The following NTRK2 variants were observed in gnomAD, a reference collection of about 807,000 sequenced individuals.
The protein encoded by NTRK2 is BDNF/NT-3 growth factors receptor.
In NTRK2, 13 loss-of-function variants were observed where a neutral mutation model predicts 94.5. The observed-to-expected ratio is 0.14, with a 90% CI of 0.09 to 0.22. The LOEUF (loss-of-function observed/expected upper bound fraction) is 0.22, where lower values mean the gene tolerates loss of function less well. NTRK2 is among the 10% of genes least tolerant of loss of function. The probability of loss-of-function intolerance (pLI) is 1.00; values close to 1 mark genes in which losing one functional copy is unlikely to be tolerated. For synonymous variants in NTRK2, 372 were observed against 407.4 expected (o/e 0.91, Z 1.05); for missense variants, 639 against 1,071.2 (o/e 0.60, Z 5.63).
intron 12 of NTRK2, among the ~76,000 whole-genome samples, chr9:84,784,942 A>G (rs2133099477): frequency 6.6e-6 from 1 of 152,258 alleles, no homozygotes; most frequent in East Asian, 1.9e-4. Context: ...TCTTCTCGCA[A>G]TTTAGTTTCC....
At chr9:84,828,361 A>C (rs759371241) in intron 12 of NTRK2, among the ~76,000 whole-genome samples, 9 of 152,156 alleles carry the variant, frequency 5.9e-5, no homozygotes, top group Non-Finnish European at 1.3e-4. Flanking sequence ...GAAGCTGAAA[A>C]TTTATCTTTT....
chr9:84,876,261 A>G, intron 14 of NTRK2: 1 of 1,043,402 alleles, frequency 9.6e-7, no homozygotes, highest in East Asian at 5.7e-5. Context: ...TTATATCAAA[A>G]CAGCTAGTCT....
At chr9:84,850,974 G>A (rs1178994968) in intron 12 of NTRK2, among the ~76,000 whole-genome samples, 1 of 152,158 alleles carries the variant, frequency 6.6e-6, no homozygotes, top group Non-Finnish European at 1.5e-5. Context: ...AAAGGTTTTA[G>A]CATAAATTCT....
intron 6 of NTRK2, among the ~76,000 whole-genome samples, chr9:84,718,430 G>T (rs2061851084): frequency 6.6e-6 from 1 of 152,034 alleles, no homozygotes; most frequent in Non-Finnish European, 1.5e-5. Flanking sequence ...GTAAGCTTTG[G>T]TGTAAAGAAA....
intron 12 of NTRK2, chr9:84,810,491 A>T (rs757889637): frequency 1.3e-6 from 2 of 1,534,774 alleles, no homozygotes; most frequent in Non-Finnish European, 1.8e-6. Flanking sequence ...GTTAATTTTC[A>T]TTGATTTTTC....
intron 12 of NTRK2, among the ~76,000 whole-genome samples, chr9:84,843,249 T>A (rs2074284341): frequency 6.6e-6 from 1 of 152,094 alleles, no homozygotes; most frequent in South Asian, 2.1e-4. Context: ...AGATGAGTAG[T>A]TATTATGCCT....
intron 6 of NTRK2, among the ~76,000 whole-genome samples, chr9:84,711,776 A>G (rs528368053): frequency 6.6e-6 from 1 of 152,320 alleles, no homozygotes; most frequent in Admixed American, 6.5e-5. Flanking sequence ...TGCGATAAAA[A>G]TAAAGATATG....
intron 17 of NTRK2, among the ~76,000 whole-genome samples, chr9:85,017,748 C>T (rs1387926): frequency 0.15 from 23,268 of 152,106 alleles, 2,002 homozygotes; most frequent in Admixed American, 0.25. Flanking sequence ...GACAGCATAA[C>T]AAGAAGACCA....
chr9:84,747,038 T>C (rs1218896615), intron 11 of NTRK2, among the ~76,000 whole-genome samples: 2 of 152,034 alleles, frequency 1.3e-5, no homozygotes, highest in African/African-American at 2.4e-5. Flanking sequence ...GTGAACAGTA[T>C]AGGGCAGAGG....
intron 2 of NTRK2, among the ~76,000 whole-genome samples, chr9:84,693,388 G>A (rs2060174036): frequency 6.6e-6 from 1 of 152,066 alleles, no homozygotes; most frequent in Admixed American, 6.6e-5. Flanking sequence ...ATAAATTTTG[G>A]TGGTCCCTGT....
chr9:84,740,071 G>T (rs1210514188), intron 9 of NTRK2, among the ~76,000 whole-genome samples: 3 of 152,176 alleles, frequency 2.0e-5, no homozygotes, highest in African/African-American at 4.8e-5. Flanking sequence ...TAAACTAATG[G>T]ATTACTGAGT....
intron 12 of NTRK2, among the ~76,000 whole-genome samples, chr9:84,803,891 T>C (rs1490888263): frequency 6.6e-6 from 1 of 152,192 alleles, no homozygotes; most frequent in Non-Finnish European, 1.5e-5. Context: ...ATCAGGTACC[T>C]GTATTCAAGT....
chr9:84,925,351 C>T (rs991271201), intron 14 of NTRK2, among the ~76,000 whole-genome samples: 6 of 152,006 alleles, frequency 3.9e-5, no homozygotes, highest in Non-Finnish European at 8.8e-5. Context: ...CTGCATCCTC[C>T]GCCCCCTCCC....
At chr9:84,742,795 T>TG (rs905291150) in intron 10 of NTRK2, among the ~76,000 whole-genome samples, 2 of 19,106 alleles carry the variant, frequency 1.0e-4, no homozygotes, top group African/African-American at 2.4e-4. Flanking sequence ...ATTAGTTTTT[T>TG]TTTTTTTTTT....
intron 12 of NTRK2, among the ~76,000 whole-genome samples, chr9:84,773,510 C>T (rs943256639): frequency 3.3e-5 from 5 of 152,184 alleles, no homozygotes; most frequent in African/African-American, 1.2e-4. Context: ...TTAAATCTTA[C>T]TGTTTTTCCA....
intron 12 of NTRK2, among the ~76,000 whole-genome samples, chr9:84,852,407 G>T (rs1194096959): frequency 6.6e-6 from 1 of 152,234 alleles, no homozygotes; most frequent in Non-Finnish European, 1.5e-5. Context: ...TTCGACAGCT[G>T]AGAAAATGTT....
At chr9:84,771,907 T>A (rs889978165) in intron 12 of NTRK2, among the ~76,000 whole-genome samples, 3 of 152,224 alleles carry the variant, frequency 2.0e-5, no homozygotes, top group African/African-American at 4.8e-5. Context: ...TAATGGTAAA[T>A]CTGAAATGGT....
At chr9:84,818,318 A>G (rs1474418410) in intron 12 of NTRK2, among the ~76,000 whole-genome samples, 4 of 152,186 alleles carry the variant, frequency 2.6e-5, no homozygotes, top group Non-Finnish European at 5.9e-5. Context: ...TGTCTAGGGC[A>G]CAATTTGAAA....
At chr9:84,749,717 T>C (rs539068106) in intron 11 of NTRK2, among the ~76,000 whole-genome samples, 2 of 152,350 alleles carry the variant, frequency 1.3e-5, no homozygotes, top group South Asian at 4.1e-4. Flanking sequence ...ATAATTATAT[T>C]CTCCATCTTA....
Sources: gnomAD v4.1 joint callset for allele counts (sites outside exome capture counted in the v4.1 genomes callset) on GRCh38, gnomAD v4.1.1 for gene constraint, MANE v1.5 for transcripts, NCBI Gene and HGNC (gene_info 2026-07-23, HGNC 2026-07-21) for gene names.